The following PRPSAP2 variants were observed in gnomAD, a reference collection of about 807,000 sequenced individuals.
PRPSAP2 encodes the protein phosphoribosyl pyrophosphate synthase-associated protein 2.
PRPSAP2 carries 24 observed loss-of-function variants against 40.6 expected under a neutral mutation model. That is an observed-to-expected ratio of 0.59 (90% CI 0.43 to 0.83). PRPSAP2 has a LOEUF of 0.83. Among genes scored for constraint, PRPSAP2 ranks in the 40% least tolerant of loss-of-function variants. The probability of loss-of-function intolerance (pLI) is 0.00; values close to 1 mark genes in which losing one functional copy is unlikely to be tolerated. For synonymous variants in PRPSAP2, 149 were observed against 164.7 expected (o/e 0.90, Z 0.73); for missense variants, 292 against 465.6 (o/e 0.63, Z 3.43).
At chr17:18,919,394 G>C (rs1350280571) in intron 9 of PRPSAP2, among the ~76,000 whole-genome samples, 1 of 152,060 alleles carries the variant, frequency 6.6e-6, no homozygotes, top group Non-Finnish European at 1.5e-5. Context: ...TGTAATCGCA[G>C]CTACTCAGGA....
intron 8 of PRPSAP2, among the ~76,000 whole-genome samples, chr17:18,901,524 CG>C (rs1258235792): frequency 1.3e-5 from 2 of 152,154 alleles, no homozygotes; most frequent in Non-Finnish European, 2.9e-5. Flanking sequence ...GGACTACAGG[CG>C]TCTGCCACTA....
chr17:18,930,723 G>A lies in PRPSAP2; in HGVS notation c.*25G>A. On this transcript the variant is annotated 3_prime_UTR_variant, in exon 12 of 12. Coordinates refer to ENST00000268835, the MANE Select transcript of PRPSAP2 (RefSeq NM_002767.4). ...AGTTTTCCTTTAGGAAAACTCCCGA[G>A]GGCCAAACTGGAAACATAAGAGTGA... The A allele has an allele frequency of 6.3e-7, 1 of 1,587,038 alleles. No homozygotes were observed.
chr17:18,924,024 A>G (rs753443580), intron 10 of PRPSAP2, 40 bp downstream of exon 10: 4 of 1,551,070 alleles, frequency 2.6e-6, no homozygotes, highest in South Asian at 2.3e-5. Flanking sequence ...AGTATTTGCC[A>G]TTGTTATTCT....
chr17:18,909,927 C>T (rs1325291030), intron 8 of PRPSAP2, among the ~76,000 whole-genome samples: 1 of 152,032 alleles, frequency 6.6e-6, no homozygotes, highest in African/African-American at 2.4e-5. Context: ...AAAGCATGTG[C>T]CCATACAGAG....
At chr17:18,928,476 T>C (rs985958284) in intron 10 of PRPSAP2, 10 of 300,506 alleles carry the variant, frequency 3.3e-5, no homozygotes, top group African/African-American at 2.2e-4. Flanking sequence ...AAAAGAAAAT[T>C]ATACCTCCAT....
At chr17:18,928,602 T>C in intron 10 of PRPSAP2, 1 of 568,200 alleles carries the variant, frequency 1.8e-6, no homozygotes, top group Non-Finnish European at 3.2e-6. Context: ...TAGTGGCAGG[T>C]GCTGTGCAGG....
chr17:18,872,435 C>T, intron 4 of PRPSAP2, 148 bp from the exon 5 acceptor site: 3 of 624,686 alleles, frequency 4.8e-6, no homozygotes, highest in Non-Finnish European at 8.5e-6. Context: ...TGTGTATTAT[C>T]CCTTGTAACA....
chr17:18,928,802 C>G lies in PRPSAP2; in HGVS notation c.805-9C>G. On this transcript the variant is annotated splice_polypyrimidine_tract_variant and intron_variant, in intron 10 of 11. Transcript: ENST00000268835. ...TCATATACATTCTTTTCCATCTGTG[C>G]TTTGGCAGGATGACATCATTGATGA... 1 of 1,613,366 alleles carries G rather than the reference C, an allele frequency of 6.2e-7. No homozygotes were observed. Among genetic ancestry groups the G allele is most frequent in the Non-Finnish European group, 8.5e-7 (1 of 1,179,562 alleles).
At chr17:18,875,905 G>A (rs545470103) in intron 5 of PRPSAP2, among the ~76,000 whole-genome samples, 40 of 150,714 alleles carry the variant, frequency 2.7e-4, no homozygotes, top group Non-Finnish European at 4.7e-4. Flanking sequence ...GGCCCCAGGC[G>A]TGCAGATCAC....
chr17:18,928,456 T>A (rs2042085506), intron 10 of PRPSAP2: 1 of 288,670 alleles, frequency 3.5e-6, no homozygotes, highest in Non-Finnish European at 6.9e-6. Flanking sequence ...TTCTGTGCAT[T>A]AAAAACAAAA....
At chr17:18,892,722 TG>T (rs1567709020) in intron 8 of PRPSAP2, among the ~76,000 whole-genome samples, 18 of 99,818 alleles carry the variant, frequency 1.8e-4, no homozygotes, top group Middle Eastern at 5.1e-3. Flanking sequence ...TGTGTGTGTG[TG>T]TGTGTATTTA....
rs369494796 is a variant in PRPSAP2, at chr17:18,930,632, G to A, written c.1044G>A (p.Ala348=). The change falls in exon 12 of 12, where the codon GCG becomes GCA. Residue 348 remains alanine, a synonymous_variant. Coordinates refer to ENST00000268835, the MANE Select transcript of PRPSAP2 (RefSeq NM_002767.4). ...ATATCAGCATGATCCTTTCAGAGGC[G>A]ATCCGTCGGATCCACAATGGGGAGT... ...TVDISMILSE[A]IRRIHNGESM... is the part of the protein sequence containing the mutation. 1.1e-4 allele frequency: 183 copies of A among 1,613,764 alleles called. No homozygotes were observed. The highest frequency in any genetic ancestry group is 1.2e-4 in the Non-Finnish European group (142 of 1,179,760).
chr17:18,861,930 C>G (rs1296546332), intron 1 of PRPSAP2, among the ~76,000 whole-genome samples: 2 of 149,012 alleles, frequency 1.3e-5, no homozygotes, highest in Non-Finnish European at 1.5e-5. Flanking sequence ...CTCTGTCACC[C>G]AGGCTGGCGT....
chr17:18,880,111 A>T (rs555081021), intron 6 of PRPSAP2, among the ~76,000 whole-genome samples: 58 of 152,188 alleles, frequency 3.8e-4, no homozygotes, highest in Middle Eastern at 3.4e-3. Context: ...AAATAAAAAT[A>T]AAATTAAAAA....
intron 8 of PRPSAP2, among the ~76,000 whole-genome samples, chr17:18,894,114 A>T (rs1172049795): frequency 6.6e-6 from 1 of 151,318 alleles, no homozygotes; most frequent in Non-Finnish European, 1.5e-5. Context: ...CTGACTCCCA[A>T]AGTGCTGGGA....
At position 18,885,216 on chromosome 17, in the gene PRPSAP2, T is replaced by C. The variant is rs941350694; in HGVS notation, c.528+2533T>C. ...AGGAGTTTAAGACCATCCTCGGCAA[T>C]ATGGCAAAACCCTGTCTCTACAAAA... On this transcript the variant is annotated intron_variant, in intron 7 of 11. Coordinates refer to ENST00000268835, the MANE Select transcript of PRPSAP2 (RefSeq NM_002767.4). Among the ~76,000 whole-genome samples the C allele has an allele frequency of 1.1e-4, 16 of 151,802 alleles. 1 individual carries two copies. Among genetic ancestry groups the C allele is most frequent in the Admixed American group, 8.6e-4 (13 of 15,198 alleles).
intron 8 of PRPSAP2, among the ~76,000 whole-genome samples, chr17:18,891,686 A>G (rs976672914): frequency 6.6e-6 from 1 of 152,186 alleles, no homozygotes; most frequent in Non-Finnish European, 1.5e-5. Context: ...TTTTCAGAAC[A>G]TTTTCGTCTT....
intron 8 of PRPSAP2, among the ~76,000 whole-genome samples, chr17:18,893,836 T>A (rs1438377483): frequency 6.6e-6 from 1 of 152,202 alleles, no homozygotes; most frequent in African/African-American, 2.4e-5. Context: ...AGTATTGGGA[T>A]TACAGGCATG....
In PRPSAP2 at chr17:18,878,271, C is replaced by T. The variant is rs370342385; in HGVS notation, c.412+401C>T. On this transcript the variant is annotated intron_variant, in intron 6 of 11. Transcript: ENST00000268835. Reference sequence around the variant, plus strand: ...AGTAATGGCTGGGCACAGCAGCTCACGCCTGCAATCCCAATGCTTTGGGAA... The same window carrying T: ...AGTAATGGCTGGGCACAGCAGCTCATGCCTGCAATCCCAATGCTTTGGGAA... 7.2e-5 allele frequency among the ~76,000 whole-genome samples: 11 copies of T among 152,276 alleles called. No homozygotes were observed. The East Asian group carries it at 1.5e-3, about 21-fold the overall frequency.
Sources: gnomAD v4.1 joint callset for allele counts (sites outside exome capture counted in the v4.1 genomes callset) on GRCh38, gnomAD v4.1.1 for gene constraint, MANE v1.5 for transcripts, NCBI Gene and HGNC (gene_info 2026-07-23, HGNC 2026-07-21) for gene names.